EHMT1: variants seen among roughly 807,000 people sequenced by gnomAD.
EHMT1 encodes the protein histone-lysine N-methyltransferase EHMT1.
A neutral mutation model predicts 147.2 loss-of-function variants in EHMT1; 15 were observed. The observed-to-expected ratio is 0.10, with a 90% CI of 0.07 to 0.16. The LOEUF (loss-of-function observed/expected upper bound fraction) is 0.16. Ranked by LOEUF, EHMT1 falls within the 10% of genes least tolerant of loss-of-function variation. EHMT1 has a pLI of 1.00. For synonymous variants in EHMT1, 795 were observed against 709.6 expected (o/e 1.12, Z -1.91); for missense variants, 1,587 against 1,772.4 (o/e 0.90, Z 1.88).
chr9:137,658,527 G>C (rs960958904), intron 1 of EHMT1, among the ~76,000 whole-genome samples: 3 of 151,556 alleles, frequency 2.0e-5, no homozygotes, highest in Non-Finnish European at 4.4e-5. Context: ...CTGTGTTTCT[G>C]TCCCTTTACC....
intron 25 of EHMT1, among the ~76,000 whole-genome samples, chr9:137,829,592 GTTCGCCCCTCT>G (rs1956056067): frequency 6.6e-6 from 1 of 152,222 alleles, no homozygotes; most frequent in Non-Finnish European, 1.5e-5. Flanking sequence ...TCTTTTCCTG[GTTCGCCCCTCT>G]GGAGTCAGCT....
chr9:137,678,655 T>C (rs975616812), intron 1 of EHMT1, among the ~76,000 whole-genome samples: 1 of 151,992 alleles, frequency 6.6e-6, no homozygotes, highest in Non-Finnish European at 1.5e-5. Flanking sequence ...TAGACACATA[T>C]ACCGATGGTA....
intron 1 of EHMT1, among the ~76,000 whole-genome samples, chr9:137,644,658 A>G (rs1054943182): frequency 2.0e-5 from 3 of 152,092 alleles, no homozygotes; most frequent in Non-Finnish European, 4.4e-5. Context: ...TGAGTTATGT[A>G]TCTAAAAGTC....
intron 3 of EHMT1, among the ~76,000 whole-genome samples, chr9:137,726,077 G>C (rs1946593915): frequency 7.0e-6 from 1 of 142,788 alleles, no homozygotes; most frequent in Admixed American, 7.3e-5. Flanking sequence ...AGTTGATGCA[G>C]GTGCCTTGTC....
At chr9:137,699,581 A>G in intron 1 of EHMT1, among the ~76,000 whole-genome samples, 1 of 152,142 alleles carries the variant, frequency 6.6e-6, no homozygotes, top group East Asian at 1.9e-4. Context: ...AGGCTGAGGC[A>G]AGAGAATCGC....
chr9:137,825,909 G>A (rs1955782215), intron 25 of EHMT1, among the ~76,000 whole-genome samples: 2 of 152,244 alleles, frequency 1.3e-5, no homozygotes, highest in South Asian at 4.1e-4. Flanking sequence ...TTGTGCAGGC[G>A]TCGGGATGCT....
In EHMT1 at chr9:137,813,333, C is replaced by A. The variant is rs955499858; in HGVS notation, c.3036-53C>A. On this transcript the variant is annotated intron_variant, in intron 20 of 26. Transcript: ENST00000460843. This position sits in a 1 kb window ranked among gnomAD's most constrained non-coding sequence, Gnocchi z 4.9. ...GCCGCCCCACTGCACGCTGTGCCACCCCCTGGGCAGAGCACGTCAGCCACC... is the reference window on the plus strand; with the variant it reads ...GCCGCCCCACTGCACGCTGTGCCACACCCTGGGCAGAGCACGTCAGCCACC... 1.3e-6 allele frequency: 2 copies of A among 1,586,030 alleles called. No homozygotes were observed. The highest frequency in any genetic ancestry group is 2.3e-5 in the South Asian group (2 of 88,428).
chr9:137,674,490 C>G (rs1941032941), intron 1 of EHMT1, among the ~76,000 whole-genome samples: 1 of 152,178 alleles, frequency 6.6e-6, no homozygotes, highest in African/African-American at 2.4e-5. Context: ...ACTCTCGGCT[C>G]CAGCGCTCTT....
chr9:137,741,208 C>T (rs1050812074), intron 4 of EHMT1, among the ~76,000 whole-genome samples: 3 of 152,048 alleles, frequency 2.0e-5, no homozygotes, highest in Non-Finnish European at 4.4e-5. Context: ...GATCTCCTGA[C>T]CTCGTGATCC....
chr9:137,667,787 A>C (rs1172409312), intron 1 of EHMT1, among the ~76,000 whole-genome samples: 1 of 152,168 alleles, frequency 6.6e-6, no homozygotes, highest in Non-Finnish European at 1.5e-5. Flanking sequence ...TCGGGGAGGA[A>C]AACGCTGTTG....
At chr9:137,810,728 C>T (rs1186952159) in intron 18 of EHMT1, among the ~76,000 whole-genome samples, 11 of 148,628 alleles carry the variant, frequency 7.4e-5, no homozygotes, top group African/African-American at 2.3e-4. Flanking sequence ...GACAGAGTTT[C>T]GCTCTTGTTG....
intron 18 of EHMT1, among the ~76,000 whole-genome samples, chr9:137,804,915 ATG>A (rs1386648937): frequency 1.3e-5 from 2 of 151,734 alleles, no homozygotes. Flanking sequence ...GTTATTCCAC[ATG>A]TGTCAGTCAT....
In EHMT1 at chr9:137,787,775, G is replaced by C; in HGVS notation, c.2383-3073G>C. The stretch of plus-strand genomic sequence containing the variant: ...GTTGGGTGACACACCCTGGAAGAGG[G>C]CGTCTAGATCCCAGCCCTGGGGGCC... On this transcript the variant is annotated intron_variant, in intron 15 of 26. Transcript: ENST00000460843. This position sits in a 1 kb window ranked among gnomAD's most constrained non-coding sequence, Gnocchi z 4.2. The C allele has an allele frequency of 2.4e-6, 2 of 827,178 alleles. No homozygotes were observed. The highest frequency in any genetic ancestry group is 4.3e-6 in the Non-Finnish European group (2 of 469,566). The allele number at this position is 827,178 out of a possible 1,614,324, so 51.2% of individuals were successfully genotyped here.
intron 1 of EHMT1, among the ~76,000 whole-genome samples, chr9:137,655,506 AGAAT>A (rs752219168): frequency 9.8e-5 from 15 of 152,366 alleles, no homozygotes; most frequent in Non-Finnish European, 2.1e-4. Context: ...GTGCTGTTGA[AGAAT>A]GAATGAATGA....
intron 16 of EHMT1, among the ~76,000 whole-genome samples, chr9:137,797,325 A>G (rs993789863): frequency 2.4e-4 from 37 of 152,034 alleles, no homozygotes; most frequent in African/African-American, 8.7e-4. Context: ...GCTGACTCTC[A>G]ATCCCCTCAC....
intron 1 of EHMT1, among the ~76,000 whole-genome samples, chr9:137,626,702 G>T (rs1173109586): frequency 6.6e-6 from 1 of 152,064 alleles, no homozygotes; most frequent in Non-Finnish European, 1.5e-5. Flanking sequence ...ATGGAAAGCT[G>T]AGTGCTGGGG....
chr9:137,804,949 A>G (rs932660484), intron 18 of EHMT1, among the ~76,000 whole-genome samples: 38 of 152,284 alleles, frequency 2.5e-4, no homozygotes, highest in Non-Finnish European at 5.0e-4. Context: ...TCAGTCATCC[A>G]TGTATGAGTC....
chr9:137,761,706 C>G (rs1258378464), intron 9 of EHMT1, among the ~76,000 whole-genome samples: 1 of 152,216 alleles, frequency 6.6e-6, no homozygotes, highest in Admixed American at 6.5e-5. Context: ...ATCTGCCCGC[C>G]TTGGCCTCCC....
chr9:137,821,026 C>T (rs1955372012), intron 25 of EHMT1, among the ~76,000 whole-genome samples: 1 of 152,170 alleles, frequency 6.6e-6, no homozygotes. Context: ...TGCAGGTGCC[C>T]AGCACCACGC....
Sources: allele counts gnomAD v4.1 joint callset (sites outside exome capture counted in the v4.1 genomes callset), GRCh38; gene constraint gnomAD v4.1.1; non-coding constraint Gnocchi (gnomAD v3.1); transcripts MANE v1.5; gene names NCBI Gene and HGNC (gene_info 2026-07-23, HGNC 2026-07-21).